LRCH1: variants seen among roughly 807,000 people sequenced by gnomAD.
LRCH1 encodes leucine rich repeats and calponin homology domain containing 1.
A neutral mutation model predicts 94.9 loss-of-function variants in LRCH1; 23 were observed. The observed-to-expected ratio is 0.24, with a 90% CI of 0.17 to 0.34. The LOEUF (loss-of-function observed/expected upper bound fraction) is 0.34. Ranked by LOEUF, LRCH1 falls within the 10% of genes least tolerant of loss-of-function variation. The pLI is 1.00. For missense variants in LRCH1, 790 were observed against 945.9 expected (o/e 0.84, Z 2.16); for synonymous variants, 364 against 354.9 (o/e 1.03, Z -0.29).
intron 1 of LRCH1, among the ~76,000 whole-genome samples, chr13:46,633,825 G>A (rs762941567): frequency 1.1e-4 from 16 of 150,784 alleles, no homozygotes; most frequent in Non-Finnish European, 8.8e-5. Flanking sequence ...TATCTAAACT[G>A]ATCGTGACTC....
At chr13:46,587,782 T>C (rs2050451711) in intron 1 of LRCH1, among the ~76,000 whole-genome samples, 2 of 152,210 alleles carry the variant, frequency 1.3e-5, no homozygotes, top group Admixed American at 6.5e-5. Context: ...TGTGGTGATA[T>C]AGACTTGAAA....
rs764734614 is a variant in LRCH1 at position 46,619,064 on chromosome 13, TTTCCTTCCTTCC to T, written c.308-31098_308-31087del. On this transcript the variant is annotated intron_variant, in intron 1 of 19. Transcript: ENST00000389797. ...AGTTCTCTTTTCTTTTCTTTTCTTT[TTTCCTTCCTTCC>T]TTCCTTCCTTCCTTCCTTCCTTCCT... Among the ~76,000 whole-genome samples the T allele has an allele frequency of 5.9e-3, 680 of 114,714 alleles. 5 individuals are homozygous for T. Among genetic ancestry groups the T allele is most frequent in the African/African-American group, 0.019 (511 of 27,504 alleles). The allele number at this position is 114,714 out of a possible 152,430, so 75.3% of individuals were successfully genotyped here. A position where few individuals can be genotyped will look rare whatever the true frequency, so the allele number is the denominator to read the frequency against.
chr13:46,750,747 C>A, exon 19 of LRCH1: 1 of 746,038 alleles, frequency 1.3e-6, no homozygotes, highest in Non-Finnish European at 2.2e-6. Flanking sequence ...CCACCCACTG[C>A]CTGTCACTTC....
intron 1 of LRCH1, among the ~76,000 whole-genome samples, chr13:46,555,565 T>C (rs1228602933): frequency 2.1e-5 from 3 of 145,406 alleles, no homozygotes; most frequent in African/African-American, 7.3e-5. Context: ...TATGGCAAGC[T>C]TAAGTTGTGA....
At chr13:46,584,241 A>C (rs1325758587) in intron 1 of LRCH1, among the ~76,000 whole-genome samples, 8 of 152,122 alleles carry the variant, frequency 5.3e-5, no homozygotes, top group Non-Finnish European at 1.2e-4. Context: ...TTACATATAT[A>C]GCTCCATTGT....
chr13:46,699,516 A>G, intron 10 of LRCH1, 113 bp downstream of exon 10: 1 of 879,072 alleles, frequency 1.1e-6, no homozygotes, highest in Non-Finnish European at 1.9e-6. Flanking sequence ...GCAAGCTGAT[A>G]TTCTTACAGA....
At chr13:46,611,401 C>T (rs887845303) in intron 1 of LRCH1, among the ~76,000 whole-genome samples, 1 of 152,176 alleles carries the variant, frequency 6.6e-6, no homozygotes, top group Non-Finnish European at 1.5e-5. Context: ...CACCATCGTA[C>T]TCTCCTAGTC....
intron 1 of LRCH1, among the ~76,000 whole-genome samples, chr13:46,570,628 CTTAAA>C (rs754126772): frequency 1.2e-4 from 19 of 152,286 alleles, no homozygotes; most frequent in Non-Finnish European, 1.6e-4. Flanking sequence ...TTATAGGTTG[CTTAAA>C]AAACAACAAA....
chr13:46,588,965 A>G (rs983441949), intron 1 of LRCH1, among the ~76,000 whole-genome samples: 1 of 151,966 alleles, frequency 6.6e-6, no homozygotes, highest in Non-Finnish European at 1.5e-5. Context: ...ATGTGTGTAT[A>G]TATATATATA....
intron 1 of LRCH1, among the ~76,000 whole-genome samples, chr13:46,592,221 T>C (rs1463735125): frequency 6.6e-6 from 1 of 152,142 alleles, no homozygotes; most frequent in Non-Finnish European, 1.5e-5. Context: ...ATCATTTTTG[T>C]TCAAAACAGG....
chr13:46,742,095 A>C lies in LRCH1; in HGVS notation c.*247A>C. ...CGACTGCAAAGTGTATGCACACCGC[A>C]TGCTTCCTCATCCACATAGTGCCAG... On this transcript the variant is annotated 3_prime_UTR_variant, in exon 20 of 20. Transcript: ENST00000389797. 1.5e-6 allele frequency: 2 copies of C among 1,341,994 alleles called. No homozygotes were observed. Among genetic ancestry groups the C allele is most frequent in the Admixed American group, 6.5e-5 (2 of 30,730 alleles). 83.1% of individuals were successfully genotyped at this position (1,341,994 alleles called of 1,614,324 possible).
chr13:46,622,848 G>A (rs1005859298), intron 1 of LRCH1, among the ~76,000 whole-genome samples: 2 of 152,166 alleles, frequency 1.3e-5, no homozygotes, highest in African/African-American at 2.4e-5. Flanking sequence ...TGTTGAGAAC[G>A]TTTTACCTTT....
intron 2 of LRCH1, among the ~76,000 whole-genome samples, chr13:46,657,374 G>A (rs2051382529): frequency 9.7e-6 from 1 of 102,972 alleles, no homozygotes; most frequent in Non-Finnish European, 1.9e-5. Context: ...AACAAGTGCT[G>A]TAGAGAAAAA....
At chr13:46,579,419 C>G (rs1430453408) in intron 1 of LRCH1, among the ~76,000 whole-genome samples, 1 of 151,280 alleles carries the variant, frequency 6.6e-6, no homozygotes, top group Non-Finnish European at 1.5e-5. Flanking sequence ...GTCTTTTTGC[C>G]TAGAGTTATT....
intron 1 of LRCH1, among the ~76,000 whole-genome samples, chr13:46,592,010 T>G (rs1037168786): frequency 3.3e-5 from 5 of 152,222 alleles, no homozygotes; most frequent in African/African-American, 1.2e-4. Flanking sequence ...AATAGAGTAT[T>G]GTTTTAAAAC....
intron 1 of LRCH1, among the ~76,000 whole-genome samples, chr13:46,628,728 C>A (rs1470147901): frequency 6.6e-6 from 1 of 151,636 alleles, no homozygotes; most frequent in African/African-American, 2.4e-5. Flanking sequence ...TAGAGTGGAC[C>A]CTGGTGCAGT....
intron 19 of LRCH1, among the ~76,000 whole-genome samples, chr13:46,741,296 C>G (rs1031189863): frequency 6.6e-6 from 1 of 152,146 alleles, no homozygotes; most frequent in East Asian, 1.9e-4. Flanking sequence ...AAATGTCCCA[C>G]GTGAAAATCT....
chr13:46,574,229 A>T (rs1038249829), intron 1 of LRCH1, among the ~76,000 whole-genome samples: 1 of 152,110 alleles, frequency 6.6e-6, no homozygotes, highest in African/African-American at 2.4e-5. Context: ...AACACAAAGG[A>T]TAAATGCTTG....
At chr13:46,661,465 A>G (rs1269695264) in intron 2 of LRCH1, among the ~76,000 whole-genome samples, 1 of 152,208 alleles carries the variant, frequency 6.6e-6, no homozygotes, top group Non-Finnish European at 1.5e-5. Context: ...ATGCAAATTG[A>G]AATATGGGTT....
Sources: allele counts gnomAD v4.1 joint callset (sites outside exome capture counted in the v4.1 genomes callset), GRCh38; gene constraint gnomAD v4.1.1; transcripts MANE v1.5; gene names NCBI Gene and HGNC (gene_info 2026-07-23, HGNC 2026-07-21).